Variants in NPAS3 observed in about 807,000 individuals in gnomAD.
NPAS3 encodes the protein neuronal PAS domain-containing protein 3.
NPAS3 carries 14 observed loss-of-function variants against 73.1 expected under a neutral mutation model. The observed-to-expected ratio is 0.19, with a 90% CI of 0.13 to 0.30. The LOEUF is 0.30. Among genes scored for constraint, NPAS3 ranks in the 10% least tolerant of loss-of-function variants. The pLI is 1.00. For missense variants in NPAS3, 1,096 were observed against 1,250.0 expected, an observed-to-expected ratio of 0.88 and a Z score of 1.86; for synonymous variants, 620 against 541.5, an observed-to-expected ratio of 1.14 and a Z score of -2.01.
intron 3 of NPAS3, among the ~76,000 whole-genome samples, chr14:33,219,635 C>G (rs1355142732): frequency 6.6e-6 from 1 of 152,130 alleles, no homozygotes; most frequent in Non-Finnish European, 1.5e-5. Flanking sequence ...GGAGATGTTT[C>G]TGAGAGTAGA....
intron 1 of NPAS3, among the ~76,000 whole-genome samples, chr14:32,987,783 G>A (rs2038156716): frequency 6.6e-6 from 1 of 151,948 alleles, no homozygotes; most frequent in Non-Finnish European, 1.5e-5. Context: ...TTAAATTATT[G>A]TATGTAAAAA....
chr14:33,643,356 AAAAG>A (rs1288583184), intron 5 of NPAS3, among the ~76,000 whole-genome samples: 1 of 146,842 alleles, frequency 6.8e-6, no homozygotes, highest in African/African-American at 2.5e-5. Context: ...TGTGTTCGGA[AAAAG>A]AAAGAAATAA....
In NPAS3 at chr14:33,799,636, A is replaced by G; in HGVS notation, c.1427-98A>G. The stretch of plus-strand genomic sequence containing the variant: ...GGACACTTGCCCTGCTCCCCGCCCC[A>G]GCCCCTGCAGGTGACAGGCTGGGTC... On this transcript the variant is annotated intron_variant, in intron 11 of 11. Coordinates refer to ENST00000356141, the Ensembl canonical transcript of NPAS3. 8.5e-6 allele frequency: 11 copies of G among 1,295,552 alleles called. No homozygotes were observed. In the South Asian group the frequency reaches 1.2e-4, roughly 14 times the overall value. 80.3% of individuals were successfully genotyped at this position (1,295,552 alleles called of 1,614,324 possible). A position where few individuals can be genotyped will look rare whatever the true frequency, so the allele number is the denominator to read the frequency against.
intron 6 of NPAS3, among the ~76,000 whole-genome samples, chr14:33,691,068 C>A (rs567078534): frequency 2.0e-5 from 3 of 152,256 alleles, no homozygotes; most frequent in East Asian, 3.9e-4. Context: ...CAAAAAACAC[C>A]CATCAATCCT....
At chr14:33,199,341 C>A (rs2046520347) in intron 2 of NPAS3, among the ~76,000 whole-genome samples, 1 of 152,194 alleles carries the variant, frequency 6.6e-6, no homozygotes, top group Non-Finnish European at 1.5e-5. Context: ...CGCATAGACA[C>A]ACAGATCTGG....
intron 2 of NPAS3, among the ~76,000 whole-genome samples, chr14:33,196,686 T>A (rs535403317): frequency 6.6e-6 from 1 of 152,342 alleles, no homozygotes; most frequent in South Asian, 2.1e-4. Flanking sequence ...TATTCCTGCC[T>A]TTCATGTACA....
At chr14:33,759,767 G>A (rs1210875876) in intron 7 of NPAS3, among the ~76,000 whole-genome samples, 6 of 152,172 alleles carry the variant, frequency 3.9e-5, no homozygotes, top group Admixed American at 6.5e-5. Context: ...ACTGAGTAGC[G>A]TGTTTTACCA....
At chr14:33,288,243 C>T (rs926307451) in intron 3 of NPAS3, among the ~76,000 whole-genome samples, 4 of 152,152 alleles carry the variant, frequency 2.6e-5, no homozygotes, top group African/African-American at 9.7e-5. Context: ...TGTCAACACT[C>T]TACATTGTCT....
chr14:33,215,448 A>G, intron 3 of NPAS3, 22 bp downstream of exon 3: 1 of 1,613,346 alleles, frequency 6.2e-7, no homozygotes, highest in Non-Finnish European at 8.5e-7. Context: ...GTCACTGTTC[A>G]GTCTGAATAT....
intron 4 of NPAS3, among the ~76,000 whole-genome samples, chr14:33,443,271 T>A (rs2049333888): frequency 6.6e-6 from 1 of 151,604 alleles, no homozygotes; most frequent in Admixed American, 6.6e-5. Flanking sequence ...AGAAACTCTG[T>A]TAAAAAAGGA....
chr14:33,465,048 C>T (rs552751813), intron 4 of NPAS3, among the ~76,000 whole-genome samples: 20 of 152,106 alleles, frequency 1.3e-4, no homozygotes, highest in African/African-American at 4.3e-4. Flanking sequence ...TGTGTGTTGC[C>T]CTTAGTCACT....
At chr14:33,670,253 GA>G (rs1351655517) in intron 5 of NPAS3, among the ~76,000 whole-genome samples, 145 of 152,336 alleles carry the variant, frequency 9.5e-4, no homozygotes, top group African/African-American at 3.2e-3. Flanking sequence ...TGTAAAAAGA[GA>G]GCGGATTCGT....
intron 4 of NPAS3, among the ~76,000 whole-genome samples, chr14:33,458,389 A>C (rs928917635): frequency 6.6e-6 from 1 of 152,184 alleles, no homozygotes; most frequent in Non-Finnish European, 1.5e-5. Context: ...GTGATTAGTA[A>C]ATTGGCACAG....
chr14:33,333,030 C>T (rs1118591), intron 3 of NPAS3, among the ~76,000 whole-genome samples: 119,244 of 152,202 alleles, frequency 0.78, 47,338 homozygotes, highest in African/African-American at 0.92. Flanking sequence ...ATTTGGGCTG[C>T]CACCTGTGGC....
intron 5 of NPAS3, among the ~76,000 whole-genome samples, chr14:33,629,234 C>CAA (rs372236952): frequency 0.036 from 2,940 of 80,990 alleles, 82 homozygotes; most frequent in East Asian, 0.17. Context: ...GACTCCATCT[C>CAA]AAAAAAAAAA....
At chr14:33,086,897 G>C (rs2042042944) in intron 2 of NPAS3, among the ~76,000 whole-genome samples, 1 of 151,782 alleles carries the variant, frequency 6.6e-6, no homozygotes. Flanking sequence ...CAAGATTCTG[G>C]CATTACCTGA....
chr14:33,802,512 T>TG (rs1482681051), downstream of NPAS3: 1 of 152,216 alleles, frequency 6.6e-6, no homozygotes. Flanking sequence ...ACTTCATTTT[T>TG]GGCAGCTGTT....
intron 2 of NPAS3, among the ~76,000 whole-genome samples, chr14:33,202,813 T>C (rs1230917958): frequency 6.6e-6 from 1 of 152,196 alleles, no homozygotes; most frequent in Non-Finnish European, 1.5e-5. Flanking sequence ...GTCTGCATTA[T>C]TTCAAAGTGA....
chr14:33,581,451 GAT>G (rs2056659263), intron 5 of NPAS3, among the ~76,000 whole-genome samples: 1 of 152,110 alleles, frequency 6.6e-6, no homozygotes, highest in Non-Finnish European at 1.5e-5. Context: ...CATTCAAAAA[GAT>G]ATATTGTAAA....
Sources: allele counts gnomAD v4.1 joint callset (sites outside exome capture counted in the v4.1 genomes callset), GRCh38; gene constraint gnomAD v4.1.1; transcripts MANE v1.5; gene names NCBI Gene and HGNC (gene_info 2026-07-23, HGNC 2026-07-21).